Variants in PCDHA8 observed in about 807,000 individuals in gnomAD.
PCDHA8 encodes the protein protocadherin alpha-8.
Under a neutral mutation model 61.8 loss-of-function variants are expected in PCDHA8, and 53 were observed. The ratio of observed to expected loss-of-function variants is 0.86; its 90% CI spans 0.69 to 1.08. PCDHA8 has a LOEUF of 1.08. Ranked by LOEUF, PCDHA8 falls within the 50% of genes least tolerant of loss-of-function variation. The pLI is 0.00. For missense variants in PCDHA8, 1,293 were observed against 1,245.0 expected (o/e 1.04, Z -0.58); for synonymous variants, 618 against 556.6 (o/e 1.11, Z -1.55).
chr5:140,850,208 G>A lies in PCDHA8; in HGVS notation c.2394+6493G>A, dbSNP rs2150473240. On this transcript the variant is annotated intron_variant, in intron 1 of 3. Transcript: ENST00000531613. Reference sequence around the variant, plus strand: ...CGGCGCTGCTGACACCTCGGATGAGGGGCACTGACGGCGCAGTGAGCGAGA... The same window carrying A: ...CGGCGCTGCTGACACCTCGGATGAGAGGCACTGACGGCGCAGTGAGCGAGA... 6.3e-6 allele frequency: 10 copies of A among 1,593,574 alleles called. 2 individuals carry two copies. The highest frequency in any genetic ancestry group is 6.9e-6 in the Non-Finnish European group (8 of 1,167,640).
At chr5:140,873,752 C>T (rs2054472285) in intron 1 of PCDHA8, among the ~76,000 whole-genome samples, 1 of 152,154 alleles carries the variant, frequency 6.6e-6, no homozygotes, top group Non-Finnish European at 1.5e-5. Flanking sequence ...TCTCCACCTC[C>T]CATGTTCAAG....
chr5:140,955,846 T>G (rs1256650141), intron 1 of PCDHA8, among the ~76,000 whole-genome samples: 1 of 152,218 alleles, frequency 6.6e-6, no homozygotes, highest in African/African-American at 2.4e-5. Context: ...GTCATTCTCC[T>G]TGAAGAGGTC....
chr5:140,881,353 G>A (rs537796043), intron 1 of PCDHA8: 1 of 985,178 alleles, frequency 1.0e-6, no homozygotes, highest in East Asian at 1.1e-4. Flanking sequence ...GCTACAATGC[G>A]TGGCTTTCGT....
intron 1 of PCDHA8, among the ~76,000 whole-genome samples, chr5:140,903,933 A>G (rs1348730153): frequency 1.3e-5 from 2 of 152,220 alleles, no homozygotes; most frequent in East Asian, 1.9e-4. Context: ...ATTGGATAAT[A>G]CCTCTTAAAT....
At chr5:140,967,085 C>T in intron 1 of PCDHA8, 1 of 1,613,198 alleles carries the variant, frequency 6.2e-7, no homozygotes, top group Non-Finnish European at 8.5e-7. Context: ...GCGCATTGAT[C>T]GGGAGGCGCT....
In PCDHA8 at chr5:140,857,433, T is replaced by C. The variant is rs2044590478; in HGVS notation, c.2394+13718T>C. On this transcript the variant is annotated intron_variant, in intron 1 of 3. Transcript: ENST00000531613. ...TTCGCGCAGTCCGAGTACACGGTGTTCGTGAAGGAGAACAACCCGCCAGGC... is the reference window on the plus strand; with the variant it reads ...TTCGCGCAGTCCGAGTACACGGTGTCCGTGAAGGAGAACAACCCGCCAGGC... 2.5e-6 allele frequency: 4 copies of C among 1,598,232 alleles called. 1 individual carries two copies. Among genetic ancestry groups the C allele is most frequent in the Non-Finnish European group, 3.4e-6 (4 of 1,167,768 alleles).
At chr5:140,976,884 A>T (rs1423993981) in intron 1 of PCDHA8, among the ~76,000 whole-genome samples, 1 of 152,232 alleles carries the variant, frequency 6.6e-6, no homozygotes, top group Non-Finnish European at 1.5e-5. Context: ...AAGAATTAGG[A>T]TACATGCAAC....
At chr5:140,888,749 AC>A (rs1218374821) in intron 1 of PCDHA8, among the ~76,000 whole-genome samples, 1 of 151,232 alleles carries the variant, frequency 6.6e-6, no homozygotes, top group African/African-American at 2.4e-5. Context: ...GAATTATTCT[AC>A]CCACTTTTTT....
chr5:140,947,938 A>G (rs2094195228), intron 1 of PCDHA8, among the ~76,000 whole-genome samples: 1 of 151,536 alleles, frequency 6.6e-6, no homozygotes, highest in African/African-American at 2.4e-5. Context: ...CTTATGAGAA[A>G]AGTGTTCCAT....
intron 1 of PCDHA8, among the ~76,000 whole-genome samples, chr5:140,975,611 A>C (rs191363875): frequency 7.0e-4 from 106 of 152,356 alleles, no homozygotes; most frequent in African/African-American, 2.4e-3. Flanking sequence ...GATGTCTTCC[A>C]CATGGATTTC....
intron 1 of PCDHA8, among the ~76,000 whole-genome samples, chr5:140,952,940 G>A (rs2094821781): frequency 6.6e-6 from 1 of 152,066 alleles, no homozygotes. Context: ...AGGAGCAAGA[G>A]AGAGAGAAGG....
At chr5:140,926,740 A>G (rs1291119790) in intron 1 of PCDHA8, 2 of 1,186,206 alleles carry the variant, frequency 1.7e-6, no homozygotes, top group Non-Finnish European at 2.2e-6. Context: ...CGGGAGGCGC[A>G]ACGTCGGCGG....
chr5:140,939,560 T>C (rs2153641939), intron 1 of PCDHA8, among the ~76,000 whole-genome samples: 1 of 151,934 alleles, frequency 6.6e-6, no homozygotes, highest in African/African-American at 2.4e-5. Flanking sequence ...TGTATTAGTT[T>C]GGTTAATCAA....
chr5:140,982,677 C>T, intron 3 of PCDHA8, 114 bp downstream of exon 3: 1 of 1,439,238 alleles, frequency 6.9e-7, no homozygotes, highest in Non-Finnish European at 9.1e-7. Flanking sequence ...TTTTGTTATT[C>T]CCTTTTTTCC....
At chr5:140,848,505 T>C in intron 1 of PCDHA8, 1 of 1,587,952 alleles carries the variant, frequency 6.3e-7, no homozygotes, top group Non-Finnish European at 8.6e-7. Flanking sequence ...AATGTTATAC[T>C]CAAGTCGAGG....
chr5:140,980,487 G>C (rs2096891705), intron 2 of PCDHA8, among the ~76,000 whole-genome samples: 1 of 152,124 alleles, frequency 6.6e-6, no homozygotes, highest in African/African-American at 2.4e-5. Flanking sequence ...AAAATTAGCT[G>C]GGCGTGATGG....
In PCDHA8 at chr5:140,886,016, A is replaced by G. The variant is rs192748955; in HGVS notation, c.2394+42301A>G. Among the ~76,000 whole-genome samples the G allele has an allele frequency of 3.1e-3, 468 of 152,290 alleles. 3 individuals are homozygous for G. Among genetic ancestry groups the G allele is most frequent in the Middle Eastern group, 0.014 (4 of 294 alleles). On this transcript the variant is annotated intron_variant, in intron 1 of 3. Transcript: ENST00000531613. ...GAAAGAAATAGTAAAGGGAGATGCTATGTATTCTTCACTAAGTTTTCCCCA... is the reference window on the plus strand; with the variant it reads ...GAAAGAAATAGTAAAGGGAGATGCTGTGTATTCTTCACTAAGTTTTCCCCA...
chr5:140,907,631 C>T (rs1338354291), intron 1 of PCDHA8, among the ~76,000 whole-genome samples: 1 of 152,216 alleles, frequency 6.6e-6, no homozygotes, highest in African/African-American at 2.4e-5. Flanking sequence ...GTGTTGGTCT[C>T]TGCTGCTGGC....
intron 1 of PCDHA8, among the ~76,000 whole-genome samples, chr5:140,895,035 C>T (rs1235775113): frequency 6.6e-6 from 1 of 152,104 alleles, no homozygotes; most frequent in East Asian, 1.9e-4. Context: ...AATTGTCCCC[C>T]ACCCACACCA....
Sources: allele counts gnomAD v4.1 joint callset (sites outside exome capture counted in the v4.1 genomes callset), GRCh38; gene constraint gnomAD v4.1.1; transcripts MANE v1.5; gene names NCBI Gene and HGNC (gene_info 2026-07-23, HGNC 2026-07-21).